PDE1C: variants seen among roughly 807,000 people sequenced by gnomAD.
The protein encoded by PDE1C is dual specificity calcium/calmodulin-dependent 3',5'-cyclic nucleotide phosphodiesterase 1C.
Under a neutral mutation model 93.1 loss-of-function variants are expected in PDE1C, and 62 were observed. The observed-to-expected ratio is 0.67, with a 90% CI of 0.54 to 0.82. The LOEUF (loss-of-function observed/expected upper bound fraction) is 0.82, where lower values mean the gene tolerates loss of function less well. Ranked by LOEUF, PDE1C falls within the 40% of genes least tolerant of loss-of-function variation. The pLI is 0.00. For missense variants in PDE1C, 742 were observed against 884.6 expected, an observed-to-expected ratio of 0.84 and a Z score of 2.04; for synonymous variants, 325 against 310.1, an observed-to-expected ratio of 1.05 and a Z score of -0.50.
chr7:31,720,310 T>C, the PDE1C span, among the ~76,000 whole-genome samples: 2 of 151,682 alleles, frequency 1.3e-5, no homozygotes, highest in Non-Finnish European at 2.9e-5. Context: ...CTTCATCTAA[T>C]GGCCTTTAAG....
intron 3 of PDE1C, among the ~76,000 whole-genome samples, chr7:32,155,149 C>G (rs777139668): frequency 2.0e-5 from 3 of 152,212 alleles, no homozygotes; most frequent in African/African-American, 2.4e-5. Context: ...AGAACACAGA[C>G]CTTCTGCCTC....
At chr7:32,032,443 G>T (rs1299979514) in intron 2 of PDE1C, among the ~76,000 whole-genome samples, 1 of 152,122 alleles carries the variant, frequency 6.6e-6, no homozygotes, top group Non-Finnish European at 1.5e-5. Flanking sequence ...TCACAACTCC[G>T]AGGCAAGAAT....
At chr7:31,840,287 G>A (rs1055352114) in intron 9 of PDE1C, among the ~76,000 whole-genome samples, 1 of 151,956 alleles carries the variant, frequency 6.6e-6, no homozygotes. Context: ...GGAAATGTCT[G>A]TTTCAAACCT....
chr7:32,374,889 C>T (rs1483124964), intron 1 of PDE1C, among the ~76,000 whole-genome samples: 2 of 152,174 alleles, frequency 1.3e-5, no homozygotes, highest in Non-Finnish European at 2.9e-5. Flanking sequence ...TGGTGCCCAG[C>T]TCCAGACAGA....
the PDE1C span, among the ~76,000 whole-genome samples, chr7:31,737,273 C>T: frequency 3.9e-5 from 6 of 151,934 alleles, no homozygotes; most frequent in Non-Finnish European, 8.8e-5. Flanking sequence ...GCCACCATAC[C>T]CCACCAACTC....
intron 1 of PDE1C, among the ~76,000 whole-genome samples, chr7:32,226,442 C>T (rs988781497): frequency 6.6e-6 from 1 of 152,222 alleles, no homozygotes; most frequent in African/African-American, 2.4e-5. Flanking sequence ...ACTATGACCC[C>T]TTTATTCATC....
At chr7:31,872,051 A>AT (rs1477093504) in intron 6 of PDE1C, among the ~76,000 whole-genome samples, 1 of 998 alleles carries the variant, frequency 1.0e-3, no homozygotes, top group Non-Finnish European at 9.4e-3. Flanking sequence ...GCCATAAAAA[A>AT]GATGAAATCA....
At position 32,289,270 on chromosome 7, in the gene PDE1C, G is replaced by A. The variant is rs73308512; in HGVS notation, c.85+9381C>T. Among the ~76,000 whole-genome samples the A allele has an allele frequency of 9.6e-3, 1,455 of 152,232 alleles. 28 individuals carry two copies. Among genetic ancestry groups the A allele is most frequent in the African/African-American group, 0.034 (1,406 of 41,530 alleles). On this transcript the variant is annotated intron_variant, in intron 1 of 18. Transcript: ENST00000396193. Reference sequence around the variant, plus strand: ...TAATAAAAATAAGTTAGCTGGGCATGGTGGTGCACACCTGTAGTCCCAGCT... The same window carrying A: ...TAATAAAAATAAGTTAGCTGGGCATAGTGGTGCACACCTGTAGTCCCAGCT...
chr7:31,712,183 A>G, the PDE1C span, among the ~76,000 whole-genome samples: 38 of 152,362 alleles, frequency 2.5e-4, no homozygotes, highest in East Asian at 6.9e-3. Flanking sequence ...TGTAAGGTCC[A>G]TAAACACAGG....
chr7:31,775,140 G>A (rs1330842947), intron 17 of PDE1C, among the ~76,000 whole-genome samples: 8 of 152,118 alleles, frequency 5.3e-5, no homozygotes, highest in African/African-American at 1.9e-4. Flanking sequence ...GGTCATACAT[G>A]CCTTCCATAT....
In PDE1C at chr7:31,841,227, C is replaced by CTCTCTCTCTCTCTA. The variant is rs751320538; in HGVS notation, c.981-3257_981-3256insTAGAGAGAGAGAGA. Among the ~76,000 whole-genome samples the CTCTCTCTCTCTCTA allele has an allele frequency of 5.5e-3, 778 of 142,264 alleles. 3 individuals carry two copies. Among genetic ancestry groups the CTCTCTCTCTCTCTA allele is most frequent in the African/African-American group, 0.014 (542 of 37,938 alleles). 93.3% of individuals were successfully genotyped at this position (142,264 alleles called of 152,430 possible). A position where few individuals can be genotyped will look rare whatever the true frequency, so the allele number is the denominator to read the frequency against. ...TCTCTCTGTCTCTCTCTCTCTCTCTCTATATATATATATATATGTATATGT... is the reference window on the plus strand; with the variant it reads ...TCTCTCTGTCTCTCTCTCTCTCTCTCTCTCTCTCTCTCTATATATATATATATATATGTATATGT... On this transcript the variant is annotated intron_variant, in intron 9 of 17. Coordinates refer to ENST00000396191, the MANE Select transcript of PDE1C (RefSeq NM_001191057.4).
intron 16 of PDE1C, chr7:31,808,308 T>C: frequency 2.7e-6 from 1 of 368,502 alleles, no homozygotes; most frequent in South Asian, 2.2e-5. Context: ...TAGCTTAATA[T>C]GATGTCTGTG....
At chr7:32,124,562 A>G (rs1487290344) in intron 3 of PDE1C, among the ~76,000 whole-genome samples, 1 of 152,094 alleles carries the variant, frequency 6.6e-6, no homozygotes, top group African/African-American at 2.4e-5. Flanking sequence ...ATCTACAACC[A>G]CCTGATCTTT....
the PDE1C span, among the ~76,000 whole-genome samples, chr7:31,696,463 T>A: frequency 1.3e-5 from 2 of 152,270 alleles, no homozygotes; most frequent in South Asian, 4.1e-4. Flanking sequence ...AAGAGGCTGT[T>A]TTTAGAGAGT....
chr7:31,955,507 T>C (rs560307763), intron 2 of PDE1C, among the ~76,000 whole-genome samples: 87 of 152,294 alleles, frequency 5.7e-4, no homozygotes, highest in African/African-American at 1.9e-3. Flanking sequence ...CAGGAGGCAA[T>C]TTCCAGAGAG....
chr7:32,186,327 C>T (rs2128817240), intron 2 of PDE1C, among the ~76,000 whole-genome samples: 1 of 152,102 alleles, frequency 6.6e-6, no homozygotes, highest in South Asian at 2.1e-4. Flanking sequence ...TGGTCTCGAT[C>T]TCCTGACCTC....
chr7:31,969,279 TCAAA>T (rs542222973), intron 2 of PDE1C, among the ~76,000 whole-genome samples: 4,069 of 151,900 alleles, frequency 0.027, 190 homozygotes, highest in African/African-American at 0.094. Context: ...TACAATGAAC[TCAAA>T]CAAATTTACA....
At chr7:32,125,595 A>T (rs559296203) in intron 3 of PDE1C, among the ~76,000 whole-genome samples, 49 of 152,322 alleles carry the variant, frequency 3.2e-4, no homozygotes, top group African/African-American at 1.2e-3. Flanking sequence ...GGAAGCCATA[A>T]TCCTCAGCAA....
chr7:32,319,465 G>A (rs1783242889), intron 1 of PDE1C, among the ~76,000 whole-genome samples: 1 of 144,380 alleles, frequency 6.9e-6, no homozygotes, highest in Non-Finnish European at 1.5e-5. Flanking sequence ...CGGAGAACCA[G>A]CTGGGAAAGT....
Sources: gnomAD v4.1 joint callset for allele counts (sites outside exome capture counted in the v4.1 genomes callset) on GRCh38, gnomAD v4.1.1 for gene constraint, MANE v1.5 for transcripts, NCBI Gene and HGNC (gene_info 2026-07-23, HGNC 2026-07-21) for gene names.